PDSS2: variants seen among roughly 807,000 people sequenced by gnomAD.
The protein encoded by PDSS2 is all trans-polyprenyl-diphosphate synthase PDSS2.
In PDSS2, 31 loss-of-function variants were observed where a neutral mutation model predicts 44.5. The observed-to-expected ratio is 0.70, with a 90% CI of 0.52 to 0.94. The LOEUF is 0.94. Ranked by LOEUF, PDSS2 falls within the 40% of genes least tolerant of loss-of-function variation. The pLI, the probability that PDSS2 is intolerant of heterozygous loss-of-function variation, is 0.00. For synonymous variants in PDSS2, 157 were observed against 180.3 expected (o/e 0.87, Z 1.03); for missense variants, 452 against 482.2 (o/e 0.94, Z 0.59).
chr6:107,335,241 C>A (rs1165626201), intron 1 of PDSS2, among the ~76,000 whole-genome samples: 1 of 151,986 alleles, frequency 6.6e-6, no homozygotes, highest in Non-Finnish European at 1.5e-5. Context: ...CTGGGTCTCC[C>A]CGCTGTCTAT....
chr6:107,240,347 G>A (rs1270570215), intron 4 of PDSS2, among the ~76,000 whole-genome samples: 1 of 151,926 alleles, frequency 6.6e-6, no homozygotes, highest in Admixed American at 6.6e-5. Flanking sequence ...GTTTCAGTGA[G>A]CTAGGATGAC....
chr6:107,191,186 C>T (rs980705742), intron 7 of PDSS2, among the ~76,000 whole-genome samples: 3 of 152,108 alleles, frequency 2.0e-5, no homozygotes, highest in Non-Finnish European at 4.4e-5. Flanking sequence ...CCACCGTGCC[C>T]GGCCTAGAGC....
intron 1 of PDSS2, among the ~76,000 whole-genome samples, chr6:107,414,830 A>C (rs1392279386): frequency 6.6e-6 from 1 of 152,210 alleles, no homozygotes; most frequent in East Asian, 1.9e-4. Flanking sequence ...CAGAGGCATC[A>C]ATTAAAGTAG....
chr6:107,329,537 C>T (rs1205504285), intron 2 of PDSS2, among the ~76,000 whole-genome samples: 1 of 152,194 alleles, frequency 6.6e-6, no homozygotes, highest in East Asian at 1.9e-4. Flanking sequence ...CCAAATTTCC[C>T]CTTTTTATAA....
intron 6 of PDSS2, among the ~76,000 whole-genome samples, chr6:107,210,065 G>A (rs969393682): frequency 1.3e-5 from 2 of 152,030 alleles, no homozygotes; most frequent in African/African-American, 2.4e-5. Flanking sequence ...GGAGCTCCTG[G>A]AATTCTGCAG....
chr6:107,213,859 A>G (rs2114644896), intron 4 of PDSS2, among the ~76,000 whole-genome samples: 1 of 152,326 alleles, frequency 6.6e-6, no homozygotes, highest in South Asian at 2.1e-4. Flanking sequence ...TATTCTCATA[A>G]GAAACAAGGT....
At chr6:107,166,253 C>A (rs11508804) in intron 7 of PDSS2, among the ~76,000 whole-genome samples, 105,285 of 151,812 alleles carry the variant, frequency 0.69, 36,897 homozygotes, top group African/African-American at 0.74. Flanking sequence ...CAGTTTCCAA[C>A]GGGAATGCTT....
rs556980476 is a variant in PDSS2 at position 107,268,510 on chromosome 6, T to C, written c.630+5519A>G. On this transcript the variant is annotated intron_variant, in intron 3 of 7. Coordinates refer to ENST00000369037, the MANE Select transcript of PDSS2 (RefSeq NM_020381.4). Reference sequence around the variant, plus strand: ...AATTTCAAAAGAAATAAAAATAACATACATGTACATACAATAGAACAATAA... The same window carrying C: ...AATTTCAAAAGAAATAAAAATAACACACATGTACATACAATAGAACAATAA... Among the ~76,000 whole-genome samples the C allele has an allele frequency of 4.2e-4, 64 of 152,272 alleles. 2 individuals carry two copies. In the South Asian group the frequency reaches 0.012, roughly 29 times the overall value.
chr6:107,305,783 T>C (rs919727853), intron 2 of PDSS2, among the ~76,000 whole-genome samples: 1 of 152,196 alleles, frequency 6.6e-6, no homozygotes, highest in Non-Finnish European at 1.5e-5. Flanking sequence ...CAAGAAAAGG[T>C]TAAGTACCTC....
chr6:107,326,445 A>G (rs62430089), intron 2 of PDSS2, among the ~76,000 whole-genome samples: 27,130 of 152,004 alleles, frequency 0.18, 2,600 homozygotes, highest in African/African-American at 0.23. Context: ...CACATAGAGG[A>G]CACAGTCTTC....
At chr6:107,216,182 C>T (rs1320291193) in intron 4 of PDSS2, among the ~76,000 whole-genome samples, 1 of 151,328 alleles carries the variant, frequency 6.6e-6, no homozygotes, top group Non-Finnish European at 1.5e-5. Context: ...AGAAAAAAAC[C>T]TAGGAATAAG....
chr6:107,154,724 A>AT lies in PDSS2; in HGVS notation c.1094_1095insA (p.Cys365Ter), dbSNP rs782134711. 6.2e-7 allele frequency: 1 copy of AT among 1,614,166 alleles called. No homozygotes were observed. The highest frequency in any genetic ancestry group is 8.5e-7 in the Non-Finnish European group (1 of 1,180,004). ...GKGVTSAIDL[C>*]RYHGNKALEA... Reference sequence around the variant, plus strand: ...CCAGTGCCTTGTTTCCATGGTAACGACACAGGTCAATAGCTGAAGTCACAC... The same window carrying AT: ...CCAGTGCCTTGTTTCCATGGTAACGATCACAGGTCAATAGCTGAAGTCACAC... Residue 365 changes from cysteine (C) to a stop codon, truncating the protein, a stop_gained and frameshift_variant, in exon 8 of 8, where the codon TGT becomes TGAT. Coordinates refer to ENST00000369037, the MANE Select transcript of PDSS2 (RefSeq NM_020381.4). LOFTEE classifies it high-confidence loss of function.
chr6:107,458,412 C>CAAAAAAGAAAAAAAA (rs1782121017), intron 1 of PDSS2, among the ~76,000 whole-genome samples: 2 of 78,182 alleles, frequency 2.6e-5, no homozygotes, highest in Non-Finnish European at 4.9e-5. Flanking sequence ...GACTCCGTCT[C>CAAAAAAGAAAAAAAA]AAAAAAAAAA....
At chr6:107,232,252 G>C (rs151157388) in intron 4 of PDSS2, among the ~76,000 whole-genome samples, 33 of 152,242 alleles carry the variant, frequency 2.2e-4, no homozygotes, top group Non-Finnish European at 4.3e-4. Context: ...CATAACACCT[G>C]TCTGCCCCTC....
intron 1 of PDSS2, among the ~76,000 whole-genome samples, chr6:107,401,267 TTAC>T (rs1370863244): frequency 1.3e-5 from 2 of 152,136 alleles, no homozygotes; most frequent in Non-Finnish European, 2.9e-5. Context: ...TACTGGTACA[TTAC>T]TACTACAACT....
At chr6:107,323,729 A>C (rs1460314015) in intron 2 of PDSS2, among the ~76,000 whole-genome samples, 1 of 152,168 alleles carries the variant, frequency 6.6e-6, no homozygotes, top group African/African-American at 2.4e-5. Context: ...GAATGCCCAA[A>C]ATTAAGCACT....
rs186662392 is a variant in PDSS2 at position 107,208,753 on chromosome 6, G to A, written c.1008+1686C>T. Among the ~76,000 whole-genome samples the A allele has an allele frequency of 4.6e-4, 70 of 151,816 alleles. No individual in the cohort carries two copies. The East Asian group carries it at 0.012, about 25-fold the overall frequency. ...TTTTTGTATTTTTAGCAGAGACAGC[G>A]TTTCACCATGTTGGCCAGGCTGGTC... On this transcript the variant is annotated intron_variant, in intron 6 of 7. Transcript: ENST00000369037.
intron 1 of PDSS2, among the ~76,000 whole-genome samples, chr6:107,340,268 T>C (rs919957016): frequency 1.3e-5 from 2 of 152,182 alleles, no homozygotes; most frequent in African/African-American, 4.8e-5. Flanking sequence ...AGATCTATAA[T>C]AGATAAAGAG....
chr6:107,334,161 T>A, intron 2 of PDSS2, 37 bp downstream of exon 2: 1 of 1,586,138 alleles, frequency 6.3e-7, no homozygotes, highest in Non-Finnish European at 8.7e-7. Context: ...GAAAACACGA[T>A]GTAGAGAGCA....
Sources: gnomAD v4.1 joint callset for allele counts (sites outside exome capture counted in the v4.1 genomes callset) on GRCh38, gnomAD v4.1.1 for gene constraint, MANE v1.5 for transcripts, NCBI Gene and HGNC (gene_info 2026-07-23, HGNC 2026-07-21) for gene names.